Variants in PTPRD observed in about 807,000 individuals in gnomAD.
PTPRD encodes receptor-type tyrosine-protein phosphatase delta.
In PTPRD, 34 loss-of-function variants were observed where a neutral mutation model predicts 214.5. That is an observed-to-expected ratio of 0.16 (90% CI 0.12 to 0.21). The LOEUF is 0.21. Ranked by LOEUF, PTPRD falls within the 10% of genes least tolerant of loss-of-function variation. The pLI is 1.00. For synonymous variants in PTPRD, 1,128 were observed against 845.7 expected (o/e 1.33, Z -5.79); for missense variants, 2,545 against 2,398.7 (o/e 1.06, Z -1.27).
At chr9:10,275,184 G>A (rs1356112304) in intron 3 of PTPRD, among the ~76,000 whole-genome samples, 4 of 152,016 alleles carry the variant, frequency 2.6e-5, no homozygotes, top group Admixed American at 2.6e-4. Flanking sequence ...CCTTCCTGTA[G>A]GTGGCAGCGA....
chr9:8,577,367 T>C (rs1367367428), intron 14 of PTPRD, among the ~76,000 whole-genome samples: 2 of 152,200 alleles, frequency 1.3e-5, no homozygotes, highest in African/African-American at 4.8e-5. Flanking sequence ...GCAATTCTCC[T>C]GCCTCAGCCT....
Position 10,406,294 on chromosome 9 carries a change from A to G in PTPRD, c.-599-65277T>C, listed in dbSNP as rs375974969. On this transcript the variant is annotated intron_variant, in intron 2 of 45. Transcript: ENST00000381196. ...TATTCATCTAATAAGTAACCATTTA[A>G]GTTACCATATAACCAGATTTAATTA... is the stretch of plus-strand genomic sequence containing the variant. Among the ~76,000 whole-genome samples, 8 of 151,726 alleles carry G rather than the reference A, an allele frequency of 5.3e-5. No homozygotes were observed. The East Asian group carries it at 5.9e-4, about 11-fold the overall frequency.
At chr9:10,129,188 T>C (rs2098840792) in intron 3 of PTPRD, among the ~76,000 whole-genome samples, 1 of 152,174 alleles carries the variant, frequency 6.6e-6, no homozygotes, top group African/African-American at 2.4e-5. Context: ...GTGATATTCA[T>C]CTTGCTTTGT....
At chr9:9,024,956 A>G (rs1202802321) in intron 10 of PTPRD, among the ~76,000 whole-genome samples, 1 of 152,056 alleles carries the variant, frequency 6.6e-6, no homozygotes, top group East Asian at 1.9e-4. Context: ...TTACAAATAG[A>G]TGAATAAATT....
At chr9:9,213,981 T>C (rs1013705033) in intron 9 of PTPRD, among the ~76,000 whole-genome samples, 1 of 152,124 alleles carries the variant, frequency 6.6e-6, no homozygotes, top group African/African-American at 2.4e-5. Context: ...TTACTGGGCA[T>C]GATAATAAGA....
intron 2 of PTPRD, among the ~76,000 whole-genome samples, chr9:10,525,604 A>G (rs1221104626): frequency 6.6e-6 from 1 of 152,072 alleles, no homozygotes; most frequent in Non-Finnish European, 1.5e-5. Flanking sequence ...CAGAGTCTTG[A>G]GGAAATAAAC....
intron 3 of PTPRD, among the ~76,000 whole-genome samples, chr9:10,140,602 A>T (rs1051096062): frequency 2.0e-5 from 3 of 152,144 alleles, no homozygotes; most frequent in Non-Finnish European, 4.4e-5. Context: ...TTGTGGCAAT[A>T]ATCAATAGCT....
chr9:9,995,610 G>A (rs897322675), intron 4 of PTPRD, among the ~76,000 whole-genome samples: 4 of 152,072 alleles, frequency 2.6e-5, no homozygotes, highest in Admixed American at 6.6e-5. Context: ...AAACCTCCTG[G>A]TTCAAGGAGC....
intron 13 of PTPRD, among the ~76,000 whole-genome samples, chr9:8,635,827 T>A (rs565339238): frequency 6.6e-6 from 1 of 152,148 alleles, no homozygotes; most frequent in South Asian, 2.1e-4. Context: ...CATGCTATTG[T>A]GTGCCCATAA....
chr9:10,375,626 T>C (rs1186791886), intron 2 of PTPRD, among the ~76,000 whole-genome samples: 1 of 152,062 alleles, frequency 6.6e-6, no homozygotes, highest in South Asian at 2.1e-4. Context: ...AACTGGCACA[T>C]TATTGCTTTA....
intron 8 of PTPRD, among the ~76,000 whole-genome samples, chr9:9,566,299 T>C (rs529840736): frequency 1.3e-5 from 2 of 152,124 alleles, no homozygotes; most frequent in Admixed American, 1.3e-4. Context: ...AACTGTGATA[T>C]ATATGAAGGT....
chr9:9,297,008 CAGA>C (rs1953325368), intron 9 of PTPRD, among the ~76,000 whole-genome samples: 4 of 151,696 alleles, frequency 2.6e-5, no homozygotes, highest in African/African-American at 9.7e-5. Context: ...CACCTTTAAG[CAGA>C]CTGACTTGGA....
chr9:10,089,009 A>C (rs1055435900), intron 3 of PTPRD, among the ~76,000 whole-genome samples: 1 of 151,452 alleles, frequency 6.6e-6, no homozygotes, highest in Non-Finnish European at 1.5e-5. Context: ...AATCAGAGAC[A>C]AGCTTGAACC....
chr9:8,907,079 G>A (rs2098712920), intron 11 of PTPRD, among the ~76,000 whole-genome samples: 1 of 151,992 alleles, frequency 6.6e-6, no homozygotes, highest in Non-Finnish European at 1.5e-5. Flanking sequence ...ACATCATCAG[G>A]CATGCTAGCA....
At chr9:9,988,488 G>A (rs1393049339) in intron 4 of PTPRD, among the ~76,000 whole-genome samples, 1 of 151,986 alleles carries the variant, frequency 6.6e-6, no homozygotes, top group Non-Finnish European at 1.5e-5. Context: ...AATTAGATTT[G>A]GTATCTGTAT....
At chr9:10,369,108 A>G (rs1226010407) in intron 2 of PTPRD, among the ~76,000 whole-genome samples, 1 of 152,128 alleles carries the variant, frequency 6.6e-6, no homozygotes, top group African/African-American at 2.4e-5. Flanking sequence ...ATTTGAAGTC[A>G]AAAGATGTAT....
At chr9:9,258,390 T>C (rs1273518785) in intron 9 of PTPRD, among the ~76,000 whole-genome samples, 2 of 151,828 alleles carry the variant, frequency 1.3e-5, no homozygotes, top group South Asian at 2.1e-4. Context: ...ATTGCTGTTC[T>C]GGTTAGTTTT....
At chr9:10,550,878 C>A (rs985909318) in intron 2 of PTPRD, among the ~76,000 whole-genome samples, 22 of 152,204 alleles carry the variant, frequency 1.4e-4, no homozygotes, top group African/African-American at 5.1e-4. Context: ...TTCCACACAT[C>A]ATTACATATA....
At chr9:8,728,174 G>A (rs12005542) in intron 12 of PTPRD, among the ~76,000 whole-genome samples, 98 of 152,120 alleles carry the variant, frequency 6.4e-4, no homozygotes, top group Non-Finnish European at 9.6e-4. Context: ...CGCTTGAACC[G>A]AGGAGGCGGA....
Sources: allele counts gnomAD v4.1 joint callset (sites outside exome capture counted in the v4.1 genomes callset), GRCh38; gene constraint gnomAD v4.1.1; transcripts MANE v1.5; gene names NCBI Gene and HGNC (gene_info 2026-07-23, HGNC 2026-07-21).